The following BTBD9 variants were observed in gnomAD, a reference collection of about 807,000 sequenced individuals.
BTBD9 encodes the protein BTB domain containing 9.
Under a neutral mutation model 64.3 loss-of-function variants are expected in BTBD9, and 49 were observed. The ratio of observed to expected loss-of-function variants is 0.76; its 90% CI spans 0.61 to 0.97. The LOEUF (loss-of-function observed/expected upper bound fraction) is 0.97, where lower values mean the gene tolerates loss of function less well. Among genes scored for constraint, BTBD9 ranks in the 50% least tolerant of loss-of-function variants. The probability of loss-of-function intolerance (pLI) is 0.00; values close to 1 mark genes in which losing one functional copy is unlikely to be tolerated. For missense variants in BTBD9, 598 were observed against 762.1 expected (o/e 0.78, Z 2.53); for synonymous variants, 260 against 274.7 (o/e 0.95, Z 0.53).
chr6:38,585,622 A>C (rs777879059), intron 4 of BTBD9, among the ~76,000 whole-genome samples: 27 of 152,212 alleles, frequency 1.8e-4, no homozygotes, highest in Non-Finnish European at 3.2e-4. Flanking sequence ...AAGAGCTTTG[A>C]AAGTATTAAA....
intron 6 of BTBD9, among the ~76,000 whole-genome samples, chr6:38,442,661 CTTTTTTTTT>C (rs11313452): frequency 1.7e-5 from 1 of 57,538 alleles, no homozygotes; most frequent in Middle Eastern, 0.014. Flanking sequence ...CATTTGTACT[CTTTTTTTTT>C]TTTTTTTTTT....
rs748845055 is a variant in BTBD9, at chr6:38,175,064, G to A, written c.1760C>T (p.Ala587Val). The stretch of plus-strand genomic sequence containing the variant: ...TGAGCTGCCACTAGGCGCCCGCAGC[G>A]CATGGGAGTCGAGCTGCTGACCGGC... ...SLAGQQLDSH[A>V]LRAPSGSSLP... The change falls in exon 11 of 11, where the codon GCG (alanine) becomes GTG (valine). Residue 587 changes from alanine (A) to valine (V), a missense_variant. By Grantham distance (64) the Ala-to-Val change is moderately conservative. Coordinates refer to ENST00000481247, the MANE Select transcript of BTBD9 (RefSeq NM_001099272.2). 107 of 1,614,040 alleles carry A rather than the reference G, an allele frequency of 6.6e-5. No homozygotes were observed. The highest frequency in any genetic ancestry group is 8.2e-5 in the Non-Finnish European group (97 of 1,180,042).
chr6:38,333,775 T>G (rs1763772433), intron 7 of BTBD9, among the ~76,000 whole-genome samples: 1 of 152,224 alleles, frequency 6.6e-6, no homozygotes, highest in African/African-American at 2.4e-5. Flanking sequence ...GTCTCAGTTA[T>G]GTCTTTATAG....
At chr6:38,596,368 T>C (rs1777029649) in intron 2 of BTBD9, among the ~76,000 whole-genome samples, 1 of 152,160 alleles carries the variant, frequency 6.6e-6, no homozygotes, top group Non-Finnish European at 1.5e-5. Flanking sequence ...TTTCTCAAAG[T>C]ATTTGAGTTT....
chr6:38,187,469 G>A (rs569391366), intron 10 of BTBD9, among the ~76,000 whole-genome samples: 35 of 152,306 alleles, frequency 2.3e-4, no homozygotes, highest in Middle Eastern at 6.8e-3. Context: ...AAGACACACC[G>A]ACATCTGTCT....
At chr6:38,631,300 C>A (rs1404661449) in intron 1 of BTBD9, among the ~76,000 whole-genome samples, 3 of 152,098 alleles carry the variant, frequency 2.0e-5, no homozygotes, top group Non-Finnish European at 4.4e-5. Flanking sequence ...AAAACAGAGA[C>A]AATCAACATC....
At chr6:38,561,829 G>C (rs1321144740) in intron 6 of BTBD9, among the ~76,000 whole-genome samples, 1 of 152,102 alleles carries the variant, frequency 6.6e-6, no homozygotes, top group Non-Finnish European at 1.5e-5. Flanking sequence ...TGGGTACTAT[G>C]CTCACTACCT....
chr6:38,467,833 C>T (rs1024059279), intron 6 of BTBD9, among the ~76,000 whole-genome samples: 11 of 152,204 alleles, frequency 7.2e-5, no homozygotes, highest in East Asian at 3.8e-4. Context: ...TTTCCATCCT[C>T]CTCTGTAGAT....
At chr6:38,225,243 A>G (rs1763356127) in intron 9 of BTBD9, among the ~76,000 whole-genome samples, 1 of 152,346 alleles carries the variant, frequency 6.6e-6, no homozygotes, top group Non-Finnish European at 1.5e-5. Context: ...AATGGAATAG[A>G]AACAAATCAG....
At position 38,430,191 on chromosome 6, in the gene BTBD9, T is replaced by C. The variant is rs567742692; in HGVS notation, c.1155-85098A>G. The stretch of plus-strand genomic sequence containing the variant: ...CCTTTTCCTTACTTTTTTTCCTTAT[T>C]ATTCAGAATGTGGCTTTAAACTTTT... On this transcript the variant is annotated intron_variant, in intron 6 of 10. Transcript: ENST00000481247. 2.6e-5 allele frequency among the ~76,000 whole-genome samples: 4 copies of C among 152,174 alleles called. No individual in the cohort carries two copies. In the South Asian group the frequency reaches 6.2e-4, roughly 24 times the overall value.
At chr6:38,494,091 C>T (rs1189059611) in intron 6 of BTBD9, among the ~76,000 whole-genome samples, 4 of 152,158 alleles carry the variant, frequency 2.6e-5, no homozygotes, top group South Asian at 4.1e-4. Context: ...TGAAGAGATT[C>T]GATGACTTCT....
chr6:38,594,872 A>C (rs1286729894), intron 2 of BTBD9, among the ~76,000 whole-genome samples: 1 of 152,216 alleles, frequency 6.6e-6, no homozygotes, highest in East Asian at 1.9e-4. Flanking sequence ...CAAATCTAAA[A>C]TGTGCATACC....
chr6:38,451,820 T>G (rs1458433729), intron 6 of BTBD9, among the ~76,000 whole-genome samples: 4 of 152,126 alleles, frequency 2.6e-5, no homozygotes, highest in Non-Finnish European at 5.9e-5. Context: ...AAACCAGTGG[T>G]CATTGATCCT....
intron 9 of BTBD9, among the ~76,000 whole-genome samples, chr6:38,232,107 A>C (rs139487235): frequency 1.3e-5 from 2 of 152,348 alleles, no homozygotes; most frequent in African/African-American, 4.8e-5. Context: ...CCCTTTTGCC[A>C]GCCAAAAGCT....
rs149263465 is a variant in BTBD9, at chr6:38,507,934, C to T, written c.1154+69666G>A. Reference sequence around the variant, plus strand: ...CTTTACGCTCCGCCTCCTAGGTTCACGCCATTCTCCTACCTCAGCCTCCCG... The same window carrying T: ...CTTTACGCTCCGCCTCCTAGGTTCATGCCATTCTCCTACCTCAGCCTCCCG... On this transcript the variant is annotated intron_variant, in intron 6 of 10. Coordinates refer to ENST00000481247, the MANE Select transcript of BTBD9 (RefSeq NM_001099272.2). Among the ~76,000 whole-genome samples the T allele has an allele frequency of 7.5e-3, 1,134 of 151,078 alleles. 14 individuals carry two copies. Among genetic ancestry groups the T allele is most frequent in the African/African-American group, 0.026 (1,078 of 41,068 alleles).
At chr6:38,186,114 T>C (rs1761807233) in intron 10 of BTBD9, among the ~76,000 whole-genome samples, 1 of 152,184 alleles carries the variant, frequency 6.6e-6, no homozygotes, top group Non-Finnish European at 1.5e-5. Flanking sequence ...AACACCAAAC[T>C]CTTCTCCAGA....
In BTBD9 at chr6:38,467,546, C is replaced by G. The variant is rs372379193; in HGVS notation, c.1154+110054G>C. Among the ~76,000 whole-genome samples the G allele has an allele frequency of 7.2e-5, 11 of 152,278 alleles. No homozygotes were observed. In the East Asian group the frequency reaches 2.1e-3, roughly 29 times the overall value. Reference sequence around the variant, plus strand: ...ATAAGAAACTGCTGAGCAATTTGTTCCATTCATATCCATTGCTTCAGCTTG... The same window carrying G: ...ATAAGAAACTGCTGAGCAATTTGTTGCATTCATATCCATTGCTTCAGCTTG... On this transcript the variant is annotated intron_variant, in intron 6 of 10. Transcript: ENST00000481247.
chr6:38,250,456 A>G (rs1466678575), intron 9 of BTBD9, among the ~76,000 whole-genome samples: 1 of 152,232 alleles, frequency 6.6e-6, no homozygotes, highest in Non-Finnish European at 1.5e-5. Context: ...TTCTTCCAAG[A>G]GGGGAACAAG....
chr6:38,182,150 C>T (rs936124612), intron 10 of BTBD9, among the ~76,000 whole-genome samples: 2 of 152,168 alleles, frequency 1.3e-5, no homozygotes, highest in African/African-American at 2.4e-5. Flanking sequence ...GGTGACAATG[C>T]TTATGTACGG....
Sources: gnomAD v4.1 joint callset for allele counts (sites outside exome capture counted in the v4.1 genomes callset) on GRCh38, gnomAD v4.1.1 for gene constraint, MANE v1.5 for transcripts, NCBI Gene and HGNC (gene_info 2026-07-23, HGNC 2026-07-21) for gene names.